The following EGFLAM variants were observed in gnomAD, a reference collection of about 807,000 sequenced individuals.
The protein encoded by EGFLAM is pikachurin.
EGFLAM carries 79 observed loss-of-function variants against 113.1 expected under a neutral mutation model. The ratio of observed to expected loss-of-function variants is 0.70; its 90% CI spans 0.58 to 0.84. The LOEUF (loss-of-function observed/expected upper bound fraction) is 0.84, where lower values mean the gene tolerates loss of function less well. Among genes scored for constraint, EGFLAM ranks in the 40% least tolerant of loss-of-function variants. The pLI, the probability that EGFLAM is intolerant of heterozygous loss-of-function variation, is 0.00. For missense variants in EGFLAM, 1,265 were observed against 1,291.6 expected (o/e 0.98, Z 0.32); for synonymous variants, 504 against 487.6 (o/e 1.03, Z -0.44).
At chr5:38,388,226 T>C (rs1161998024) in intron 6 of EGFLAM, among the ~76,000 whole-genome samples, 1 of 152,204 alleles carries the variant, frequency 6.6e-6, no homozygotes, top group Non-Finnish European at 1.5e-5. Flanking sequence ...CGTGATTATA[T>C]CAAGACTAGA....
intron 17 of EGFLAM, among the ~76,000 whole-genome samples, chr5:38,440,499 A>G (rs2956597): frequency 0.3 from 45,215 of 152,020 alleles, 11,039 homozygotes; most frequent in African/African-American, 0.68. Context: ...CCCATTGTAA[A>G]GATTGGAAAG....
chr5:38,345,418 A>T (rs1739449306), intron 3 of EGFLAM: 1 of 152,232 alleles, frequency 6.6e-6, no homozygotes, highest in African/African-American at 2.4e-5. Flanking sequence ...GAGCTTTCTC[A>T]CCGGGCTCAG....
chr5:38,299,211 A>T (rs890301727), intron 1 of EGFLAM, among the ~76,000 whole-genome samples: 3 of 152,214 alleles, frequency 2.0e-5, no homozygotes, highest in Non-Finnish European at 4.4e-5. Flanking sequence ...TGTAACACAC[A>T]AGGAAGAATG....
Position 38,406,237 on chromosome 5 carries a change from A to T in EGFLAM, c.824A>T (p.Glu275Val). The change falls in exon 7 of 22, where the codon GAG (glutamate) becomes GTG (valine). Residue 275 changes from glutamate (E) to valine (V), a missense_variant. Glu to Val is a moderately radical substitution (Grantham distance 121). Transcript: ENST00000322350. ...EDDLDLDISF[E>V]EVKPLPATKG... The stretch of plus-strand genomic sequence containing the variant: ...GACTTAGATTTGGATATTTCCTTTG[A>T]GGAGGTAACAATAATCTCTGCTCTT... 1 of 1,613,794 alleles carries T rather than the reference A, an allele frequency of 6.2e-7. No individual in the cohort carries two copies. Among genetic ancestry groups the T allele is most frequent in the Non-Finnish European group, 8.5e-7 (1 of 1,179,726 alleles).
rs371671336 is a variant in EGFLAM at position 38,437,346 on chromosome 5, G to T, written c.2284-929G>T. Among the ~76,000 whole-genome samples the T allele has an allele frequency of 3.9e-4, 59 of 152,346 alleles. 1 individual carries two copies. The South Asian group carries it at 8.5e-3, about 22-fold the overall frequency. On this transcript the variant is annotated intron_variant, in intron 16 of 21. Transcript: ENST00000322350. ...TGAGTGGGACAATCGGGGAGGTCCA[G>T]CTGATGGAATTTTAGGAGACTGCTT...
chr5:38,337,434 A>T, intron 1 of EGFLAM, 86 bp from the exon 2 acceptor site: 1 of 1,191,562 alleles, frequency 8.4e-7, no homozygotes, highest in Non-Finnish European at 1.2e-6. Flanking sequence ...TTCATCTGTT[A>T]GATAATGCAC....
chr5:38,446,357 C>G (rs1294073660), intron 17 of EGFLAM, among the ~76,000 whole-genome samples: 2 of 152,076 alleles, frequency 1.3e-5, no homozygotes, highest in Non-Finnish European at 2.9e-5. Context: ...CCGGTGGCTG[C>G]CTTCTCTCCC....
chr5:38,294,470 T>C (rs1758406653), intron 1 of EGFLAM, among the ~76,000 whole-genome samples: 1 of 152,208 alleles, frequency 6.6e-6, no homozygotes, highest in South Asian at 2.1e-4. Flanking sequence ...GATTAAATAC[T>C]TTTTATCAGT....
chr5:38,448,482 A>T, intron 18 of EGFLAM, 103 bp downstream of exon 18: 1 of 1,225,706 alleles, frequency 8.2e-7, no homozygotes, highest in Non-Finnish European at 1.2e-6. Flanking sequence ...GATAATTCTC[A>T]AAGAAGACCA....
chr5:38,435,114 C>T (rs775150867), intron 15 of EGFLAM, 23 bp from the exon 16 acceptor site: 1 of 1,597,796 alleles, frequency 6.3e-7, no homozygotes, highest in Non-Finnish European at 8.6e-7. Context: ...TCATACAATG[C>T]TTTGTTTTTA....
At chr5:38,312,891 C>T (rs1327126283) in intron 1 of EGFLAM, among the ~76,000 whole-genome samples, 2 of 151,992 alleles carry the variant, frequency 1.3e-5, no homozygotes, top group African/African-American at 4.8e-5. Flanking sequence ...AGTTCAAGAC[C>T]AGCCTGCCCA....
chr5:38,400,706 T>C (rs1741087282), intron 6 of EGFLAM, among the ~76,000 whole-genome samples: 1 of 152,170 alleles, frequency 6.6e-6, no homozygotes, highest in Non-Finnish European at 1.5e-5. Context: ...AAATGACTAT[T>C]ATCCTGGATT....
At chr5:38,426,664 G>A (rs1742019104) in intron 13 of EGFLAM, among the ~76,000 whole-genome samples, 1 of 152,116 alleles carries the variant, frequency 6.6e-6, no homozygotes, top group Non-Finnish European at 1.5e-5. Flanking sequence ...GGTGAGAGAG[G>A]GGGTTCTGCT....
At chr5:38,350,089 T>C (rs1468619191) in intron 3 of EGFLAM, among the ~76,000 whole-genome samples, 1 of 152,130 alleles carries the variant, frequency 6.6e-6, no homozygotes, top group Non-Finnish European at 1.5e-5. Flanking sequence ...TAGGTACAAA[T>C]CAAGACCTCA....
At chr5:38,303,980 TA>T (rs11380692) in intron 1 of EGFLAM, among the ~76,000 whole-genome samples, 2 of 150,906 alleles carry the variant, frequency 1.3e-5, no homozygotes, top group Non-Finnish European at 1.5e-5. Flanking sequence ...TACTAAAAAG[TA>T]AAAAAAATTA....
intron 17 of EGFLAM, 96 bp downstream of exon 17, chr5:38,438,551 A>C (rs1742434858): frequency 8.0e-7 from 1 of 1,251,582 alleles, no homozygotes; most frequent in African/African-American, 1.5e-5. Flanking sequence ...GAGTTGTAAC[A>C]GTGGTACAAC....
intron 3 of EGFLAM, among the ~76,000 whole-genome samples, chr5:38,340,796 C>T (rs1422454830): frequency 3.6e-5 from 5 of 138,558 alleles, no homozygotes; most frequent in Non-Finnish European, 7.6e-5. Context: ...TCCACACATG[C>T]CTCTCTCTCT....
intron 1 of EGFLAM, among the ~76,000 whole-genome samples, chr5:38,261,007 G>A (rs956592968): frequency 1.3e-5 from 2 of 152,106 alleles, no homozygotes; most frequent in African/African-American, 2.4e-5. Context: ...TGAAGGTATC[G>A]TGGCCACGGT....
At chr5:38,261,531 T>C (rs1757500962) in intron 1 of EGFLAM, among the ~76,000 whole-genome samples, 1 of 152,150 alleles carries the variant, frequency 6.6e-6, no homozygotes, top group South Asian at 2.1e-4. Flanking sequence ...GGAATGGAAA[T>C]TTAAACTCTG....
Sources: allele counts gnomAD v4.1 joint callset (sites outside exome capture counted in the v4.1 genomes callset), GRCh38; gene constraint gnomAD v4.1.1; transcripts MANE v1.5; gene names NCBI Gene and HGNC (gene_info 2026-07-23, HGNC 2026-07-21).